The following PDE10A variants were observed in gnomAD, a reference collection of about 807,000 sequenced individuals.
PDE10A encodes phosphodiesterase 10A, also known as cAMP and cAMP-inhibited cGMP 3',5'-cyclic phosphodiesterase 10A.
Under a neutral mutation model 97.7 loss-of-function variants are expected in PDE10A, and 39 were observed. The observed-to-expected ratio is 0.40, with a 90% CI of 0.31 to 0.52. The LOEUF is 0.52. Ranked by LOEUF, PDE10A falls within the 20% of genes least tolerant of loss-of-function variation. The probability of loss-of-function intolerance (pLI) is 0.56; values close to 1 mark genes in which losing one functional copy is unlikely to be tolerated. For missense variants in PDE10A, 731 were observed against 1,047.8 expected (o/e 0.70, Z 4.17); for synonymous variants, 371 against 376.8 (o/e 0.98, Z 0.18).
chr6:165,612,090 A>G (rs1412367822), intron 1 of PDE10A, among the ~76,000 whole-genome samples: 3 of 152,246 alleles, frequency 2.0e-5, no homozygotes, highest in African/African-American at 7.2e-5. Flanking sequence ...TATTAACGAC[A>G]AGTATCTACA....
chr6:165,815,748 A>T (rs547869125), intron 1 of PDE10A, among the ~76,000 whole-genome samples: 2 of 152,110 alleles, frequency 1.3e-5, no homozygotes, highest in Non-Finnish European at 2.9e-5. Flanking sequence ...GCACTTGGTC[A>T]TGGACTATTG....
chr6:165,866,922 T>A (rs1393605178), intron 1 of PDE10A, among the ~76,000 whole-genome samples: 1 of 151,960 alleles, frequency 6.6e-6, no homozygotes, highest in African/African-American at 2.4e-5. Context: ...ATTAGACTAG[T>A]GCTACAAGAA....
At chr6:165,953,849 G>C (rs1316007699) in intron 1 of PDE10A, among the ~76,000 whole-genome samples, 1 of 152,146 alleles carries the variant, frequency 6.6e-6, no homozygotes, top group Non-Finnish European at 1.5e-5. Flanking sequence ...ATAGTGACCT[G>C]TATCCACCAT....
intron 1 of PDE10A, among the ~76,000 whole-genome samples, chr6:165,912,628 T>C (rs1394465859): frequency 1.3e-5 from 2 of 152,234 alleles, no homozygotes; most frequent in African/African-American, 4.8e-5. Context: ...ATGTGCCTTA[T>C]GGAGAAAACA....
chr6:165,653,526 A>G (rs550587822), intron 1 of PDE10A, among the ~76,000 whole-genome samples: 1 of 152,324 alleles, frequency 6.6e-6, no homozygotes, highest in Non-Finnish European at 1.5e-5. Flanking sequence ...GGAGAGAGAC[A>G]GAGCAGAAAG....
rs369727502 is a variant in PDE10A at position 165,711,532 on chromosome 6, G to A, written c.-614-167964C>T. 2.6e-5 allele frequency among the ~76,000 whole-genome samples: 4 copies of A among 152,246 alleles called. No individual in the cohort carries two copies. In the East Asian group the frequency reaches 7.7e-4, roughly 29 times the overall value. ...TCTCCATTTGGAGGTTTTCTTGAGG[G>A]GATTTTAGTTCAGTTAGTTCAGCCT... On this transcript the variant is annotated intron_variant, in intron 1 of 19. Transcript: ENST00000366882. This position sits in a 1 kb window ranked among gnomAD's most constrained non-coding sequence, Gnocchi z 4.5.
chr6:165,637,492 AT>A (rs754906626), intron 1 of PDE10A, among the ~76,000 whole-genome samples: 1 of 152,038 alleles, frequency 6.6e-6, no homozygotes, highest in Non-Finnish European at 1.5e-5. Context: ...ACTGCGGAAA[AT>A]TTTTCACATT....
chr6:165,691,391 C>T (rs1791292481), intron 1 of PDE10A, among the ~76,000 whole-genome samples: 2 of 152,046 alleles, frequency 1.3e-5, no homozygotes, highest in Admixed American at 1.3e-4. Flanking sequence ...CACATGCCGT[C>T]CAAGTTTGTA....
chr6:165,416,084 G>T, intron 12 of PDE10A, 105 bp downstream of exon 12: 1 of 743,304 alleles, frequency 1.3e-6, no homozygotes, highest in Admixed American at 2.1e-5. Context: ...AAGGAAGAAA[G>T]AACTGAATTG....
At chr6:165,446,857 A>T (rs1445652738) in intron 5 of PDE10A, among the ~76,000 whole-genome samples, 2 of 152,166 alleles carry the variant, frequency 1.3e-5, no homozygotes, top group African/African-American at 4.8e-5. Flanking sequence ...GCCCCTAGAG[A>T]GAAGCATGCC....
intron 3 of PDE10A, among the ~76,000 whole-genome samples, chr6:165,473,123 G>T (rs1054068126): frequency 2.6e-5 from 4 of 151,944 alleles, no homozygotes; most frequent in African/African-American, 9.7e-5. Flanking sequence ...AAACTCAATG[G>T]GGCATTTTTA....
At chr6:165,437,235 C>CT (rs3842107) in intron 5 of PDE10A, among the ~76,000 whole-genome samples, 30 of 149,544 alleles carry the variant, frequency 2.0e-4, no homozygotes, top group East Asian at 3.9e-4. Context: ...AAACGCACAT[C>CT]TTTTTTTTTT....
At chr6:165,886,270 A>G (rs1174048840) in intron 1 of PDE10A, among the ~76,000 whole-genome samples, 1 of 147,194 alleles carries the variant, frequency 6.8e-6, no homozygotes, top group Non-Finnish European at 1.5e-5. Context: ...GGAATCCTGG[A>G]CCCCTGGGCC....
rs113007061 is a variant in PDE10A at position 165,762,915 on chromosome 6, A to C, written c.-614-219347T>G. On this transcript the variant is annotated intron_variant, in intron 1 of 19. Transcript: ENST00000366882. ...CACACACACACATGTAGAGATAGAG[A>C]ATAGGAGGAAGAAAAAAAAGAAAAA... Among the ~76,000 whole-genome samples, 39 of 152,270 alleles carry C rather than the reference A, an allele frequency of 2.6e-4. 1 individual carries two copies. The highest frequency in any genetic ancestry group is 3.4e-3 in the Middle Eastern group (1 of 294).
chr6:165,725,748 C>T (rs1792277773), intron 1 of PDE10A, among the ~76,000 whole-genome samples: 1 of 152,302 alleles, frequency 6.6e-6, no homozygotes, highest in Non-Finnish European at 1.5e-5. Flanking sequence ...TCACGTTTGC[C>T]TCCCTTTCCA....
intron 1 of PDE10A, among the ~76,000 whole-genome samples, chr6:165,961,652 C>T (rs1271583989): frequency 1.3e-5 from 2 of 152,224 alleles, no homozygotes; most frequent in Non-Finnish European, 2.9e-5. Flanking sequence ...CTGCAGAACT[C>T]ATGGCCCCTC....
chr6:165,329,732 T>C lies in PDE10A; in HGVS notation c.*3293A>G, dbSNP rs1010396291. The C allele has an allele frequency of 2.6e-5, 4 of 152,216 alleles. No homozygotes were observed. Among genetic ancestry groups the C allele is most frequent in the African/African-American group, 9.6e-5 (4 of 41,460 alleles). 9.4% of individuals were successfully genotyped at this position (152,216 alleles called of 1,614,324 possible). On this transcript the variant is annotated 3_prime_UTR_variant, in exon 22 of 22. Coordinates refer to ENST00000539869, the MANE Select transcript of PDE10A (RefSeq NM_001385079.1). ...AAATCTATTATTGAACACATCTAGT[T>C]TCCAATTAGTTGCTTTTGTTGTGGT...
chr6:165,762,239 G>A (rs546920243), intron 1 of PDE10A, among the ~76,000 whole-genome samples: 173 of 152,280 alleles, frequency 1.1e-3, no homozygotes, highest in African/African-American at 3.7e-3. Context: ...GTGTAAACCC[G>A]ATTTTAGTTG....
intron 1 of PDE10A, among the ~76,000 whole-genome samples, chr6:165,891,721 TTTC>T (rs34478449): frequency 0.46 from 70,254 of 151,576 alleles, 16,499 homozygotes; most frequent in East Asian, 0.66. Context: ...CCTATTTTTC[TTTC>T]TTCTTCGTTG....
Sources: allele counts gnomAD v4.1 joint callset (sites outside exome capture counted in the v4.1 genomes callset), GRCh38; gene constraint gnomAD v4.1.1; non-coding constraint Gnocchi (gnomAD v3.1); transcripts MANE v1.5; gene names NCBI Gene and HGNC (gene_info 2026-07-23, HGNC 2026-07-21).